The following HOXB3 variants were observed in gnomAD, a reference collection of about 807,000 sequenced individuals.
The protein encoded by HOXB3 is homeobox protein Hox-B3.
A neutral mutation model predicts 29.2 loss-of-function variants in HOXB3; 17 were observed. The ratio of observed to expected loss-of-function variants is 0.58; its 90% CI spans 0.40 to 0.87. The LOEUF is 0.87. HOXB3 is among the 40% of genes least tolerant of loss of function. HOXB3 has a pLI of 0.00. For synonymous variants in HOXB3, 317 were observed against 285.9 expected (o/e 1.11, Z -1.10); for missense variants, 637 against 616.3 (o/e 1.03, Z -0.35).
chr17:48,589,695 G>A (rs2070112831), intron 1 of HOXB3, among the ~76,000 whole-genome samples: 1 of 152,162 alleles, frequency 6.6e-6, no homozygotes, highest in African/African-American at 2.4e-5. Flanking sequence ...GTGCCCAGCG[G>A]TGCACCCCCA....
intron 1 of HOXB3, chr17:48,576,176 T>G (rs2069752294): frequency 6.5e-6 from 1 of 152,948 alleles, no homozygotes; most frequent in Admixed American, 6.5e-5. Context: ...TCGCTGGGTA[T>G]CGGGAGTGGG....
intron 2 of HOXB3, among the ~76,000 whole-genome samples, chr17:48,562,043 A>C (rs1247255157): frequency 4.6e-5 from 7 of 152,184 alleles, no homozygotes; most frequent in Non-Finnish European, 8.8e-5. Flanking sequence ...ACTGAGCACC[A>C]ACCCGATGCC....
chr17:48,563,197 A>G (rs567754294), intron 2 of HOXB3, among the ~76,000 whole-genome samples: 88 of 152,332 alleles, frequency 5.8e-4, no homozygotes, highest in Non-Finnish European at 6.6e-4. Flanking sequence ...ACACAGGGAA[A>G]GGGTAGAGGG....
At chr17:48,551,318 C>A (rs569709319) in intron 4 of HOXB3, 137 bp from the exon 5 acceptor site, 1 of 1,094,246 alleles carries the variant, frequency 9.1e-7, no homozygotes, top group Non-Finnish European at 1.2e-6. Context: ...CCCTTCGGGT[C>A]CCCGCCGCCT....
In HOXB3 at chr17:48,550,224, C is replaced by T. The variant is rs1269079495; in HGVS notation, c.*110G>A. On this transcript the variant is annotated 3_prime_UTR_variant, in exon 5 of 5. Transcript: ENST00000498678. ...CTCCAGGCCGGTTCTGACCAGGAAG[C>T]CTGGGTACCACCTTCTCTGGCTCCT... 2.1e-5 allele frequency: 31 copies of T among 1,462,546 alleles called. No individual in the cohort carries two copies. The highest frequency in any genetic ancestry group is 2.7e-5 in the Non-Finnish European group (29 of 1,081,746). 90.6% of individuals were successfully genotyped at this position (1,462,546 alleles called of 1,614,324 possible).
At position 48,582,873 on chromosome 17, in the gene HOXB3, G is replaced by C. The variant is rs576410504; in HGVS notation, c.-425+7252C>G. On this transcript the variant is annotated intron_variant, in intron 1 of 4. Coordinates refer to ENST00000498678, the MANE Select transcript of HOXB3 (RefSeq NM_001384749.1). ...AGCTCGGGTTCCAGAGAGAGTGTGGGGTTTCATGTGGGATCCTTTTGAGGC... is the reference window on the plus strand; with the variant it reads ...AGCTCGGGTTCCAGAGAGAGTGTGGCGTTTCATGTGGGATCCTTTTGAGGC... Among the ~76,000 whole-genome samples, 7 of 152,286 alleles carry C rather than the reference G, an allele frequency of 4.6e-5. No homozygotes were observed. In the South Asian group the frequency reaches 1.5e-3, roughly 32 times the overall value.
chr17:48,582,343 G>GC (rs1423484184), intron 1 of HOXB3: 1 of 152,328 alleles, frequency 6.6e-6, no homozygotes, highest in Non-Finnish European at 1.5e-5. Flanking sequence ...GACGCGCCGG[G>GC]CAACAGCTGA....
intron 1 of HOXB3, chr17:48,582,110 C>T (rs1419776213): frequency 6.6e-6 from 1 of 152,342 alleles, no homozygotes; most frequent in Non-Finnish European, 1.5e-5. Flanking sequence ...CAGCCACCCT[C>T]CGCCGTCCAG....
chr17:48,555,068 C>T (rs1201256607), intron 3 of HOXB3, among the ~76,000 whole-genome samples: 2 of 150,566 alleles, frequency 1.3e-5, no homozygotes, highest in East Asian at 4.0e-4. Context: ...ATGAGCCCCC[C>T]GCAAGAACCC....
chr17:48,575,082 CCT>C (rs1173725688), intron 1 of HOXB3: 1 of 152,250 alleles, frequency 6.6e-6, no homozygotes, highest in African/African-American at 2.4e-5. Context: ...CTCATGGAAT[CCT>C]CTCTCGGAAC....
rs767056252 is a variant in HOXB3, at chr17:48,550,736, G to C, written c.894C>G (p.His298Gln). 2.5e-6 allele frequency: 4 copies of C among 1,580,672 alleles called. No homozygotes were observed. The East Asian group carries it at 9.0e-5, about 36-fold the overall frequency. Reference protein sequence around the residue: ...SPSPPAFGKAHQNAYALPSNY... With the variant: ...SPSPPAFGKAQQNAYALPSNY... ...TGGAGGGCAGCGCGTAGGCATTCTGGTGGGCTTTACCGAAGGCGGGTGGGG... is the reference window on the plus strand; with the variant it reads ...TGGAGGGCAGCGCGTAGGCATTCTGCTGGGCTTTACCGAAGGCGGGTGGGG... The change falls in exon 5 of 5, where the codon CAC (histidine) becomes CAG (glutamine). Residue 298 changes from histidine to glutamine, a missense_variant. Transcript: ENST00000498678.
Position 48,551,176 on chromosome 17 carries a change from C to T in HOXB3, c.454G>A (p.Gly152Ser), listed in dbSNP as rs1213130996. The part of the protein sequence containing the change: ...LKNNSPGTAE[G>S]CGGGGGGGGG... Reference sequence around the variant, plus strand: ...CCGCCACCGCCGCCGCCACCACAGCCCTCTGCTGGATCCGAGGGGGAGGGG... The same window carrying T: ...CCGCCACCGCCGCCGCCACCACAGCTCTCTGCTGGATCCGAGGGGGAGGGG... Residue 152 changes from glycine to serine, a missense_variant, in exon 5 of 5, where the codon GGC (glycine) becomes AGC (serine). Gly to Ser is a moderately conservative substitution (Grantham distance 56). Coordinates refer to ENST00000498678, the MANE Select transcript of HOXB3 (RefSeq NM_001384749.1). 3.1e-6 allele frequency: 4 copies of T among 1,297,226 alleles called. No individual in the cohort carries two copies. The highest frequency in any genetic ancestry group is 3.9e-6 in the Non-Finnish European group (4 of 1,022,394). The allele number at this position is 1,297,226 out of a possible 1,614,324, so 80.4% of individuals were successfully genotyped here.
chr17:48,555,976 GAC>G lies in HOXB3; in HGVS notation c.-246-360_-246-359del, dbSNP rs906784807. On this transcript the variant is annotated intron_variant, in intron 2 of 4. Transcript: ENST00000498678. ...TTGCACAGGGAAAAAAAACCACACA[GAC>G]ACACACACACACTCACTCACACACA... 9.3e-5 allele frequency among the ~76,000 whole-genome samples: 14 copies of G among 151,336 alleles called. 1 individual carries two copies. The highest frequency in any genetic ancestry group is 4.2e-4 in the South Asian group (2 of 4,784).
At chr17:48,562,034 C>T (rs1192063351) in intron 2 of HOXB3, among the ~76,000 whole-genome samples, 3 of 152,194 alleles carry the variant, frequency 2.0e-5, no homozygotes, top group African/African-American at 7.2e-5. Context: ...CTTACCACCA[C>T]TGAGCACCAA....
intron 2 of HOXB3, among the ~76,000 whole-genome samples, chr17:48,567,793 C>A (rs1007160284): frequency 2.0e-5 from 3 of 152,198 alleles, no homozygotes; most frequent in African/African-American, 7.2e-5. Flanking sequence ...AACACAGAGT[C>A]CCTCACTGCT....
At chr17:48,578,112 C>T (rs779026600) in intron 1 of HOXB3, 2 of 1,309,012 alleles carry the variant, frequency 1.5e-6, no homozygotes, top group South Asian at 2.0e-5. Context: ...GGCCCAGGGT[C>T]CCGGCAGGCC....
intron 3 of HOXB3, chr17:48,555,329 A>AGAGAGG (rs1325502122): frequency 3.9e-6 from 2 of 518,756 alleles, no homozygotes; most frequent in African/African-American, 5.8e-5. Context: ...GAGGGGAGAG[A>AGAGAGG]GAGAGGGAGA....
At chr17:48,566,276 G>A (rs934656971) in intron 2 of HOXB3, among the ~76,000 whole-genome samples, 1 of 152,146 alleles carries the variant, frequency 6.6e-6, no homozygotes, top group Admixed American at 6.5e-5. Context: ...ATGCCTGGAT[G>A]GAAGGCATTA....
Position 48,550,838 on chromosome 17 carries a change from G to A in HOXB3, c.792C>T (p.Ser264=), listed in dbSNP as rs772713771. Residue 264 remains serine, a synonymous_variant, in exon 5 of 5, where the codon AGC becomes AGT. Coordinates refer to ENST00000498678, the MANE Select transcript of HOXB3 (RefSeq NM_001384749.1). ...SSSGGPSPAG[S]PPQPMQSTAG... ...CCGTGGACTGCATGGGCTGCGGGGG[G>A]CTGCCGGCTGGAGATGGGCCCCCCG... 3.7e-6 allele frequency: 6 copies of A among 1,613,840 alleles called. No individual in the cohort carries two copies. The highest frequency in any genetic ancestry group is 5.1e-6 in the Non-Finnish European group (6 of 1,179,890).
Sources: gnomAD v4.1 joint callset for allele counts (sites outside exome capture counted in the v4.1 genomes callset) on GRCh38, gnomAD v4.1.1 for gene constraint, MANE v1.5 for transcripts, NCBI Gene and HGNC (gene_info 2026-07-23, HGNC 2026-07-21) for gene names.